Variants in PZP observed in about 807,000 individuals in gnomAD.
PZP encodes PZP alpha-2-macroglobulin like.
PZP carries 150 observed loss-of-function variants against 179.8 expected under a neutral mutation model. The ratio of observed to expected loss-of-function variants is 0.83; its 90% CI spans 0.73 to 0.96. The LOEUF (loss-of-function observed/expected upper bound fraction) is 0.96. Ranked by LOEUF, PZP falls within the 40% of genes least tolerant of loss-of-function variation. The probability of loss-of-function intolerance (pLI) is 0.00; values close to 1 mark genes in which losing one functional copy is unlikely to be tolerated. For missense variants in PZP, 1,689 were observed against 1,764.0 expected (o/e 0.96, Z 0.76); for synonymous variants, 624 against 652.3 (o/e 0.96, Z 0.66).
downstream of PZP, among the ~76,000 whole-genome samples, chr12:9,146,387 T>TGGG (rs1329729767): frequency 1.3e-5 from 2 of 152,210 alleles, no homozygotes; most frequent in Non-Finnish European, 2.9e-5. Context: ...ATACTTTTTG[T>TGGG]GGTTTTGTTG....
intron 15 of PZP, among the ~76,000 whole-genome samples, chr12:9,177,277 A>G (rs1942439268): frequency 6.6e-6 from 1 of 152,206 alleles, no homozygotes; most frequent in Non-Finnish European, 1.5e-5. Flanking sequence ...CAGTTGTCAC[A>G]TTGTGGGACA....
At chr12:9,138,602 A>C in the PZP span, among the ~76,000 whole-genome samples, 1 of 151,986 alleles carries the variant, frequency 6.6e-6, no homozygotes, top group South Asian at 2.1e-4. Flanking sequence ...TGTGTATTAG[A>C]ATCTACCTGT....
At chr12:9,207,499 TAGG>T (rs1451761206) in intron 1 of PZP, among the ~76,000 whole-genome samples, 4 of 152,088 alleles carry the variant, frequency 2.6e-5, no homozygotes, top group Non-Finnish European at 5.9e-5. Context: ...GATGCAAAGG[TAGG>T]AGTTCTATGG....
At chr12:9,147,082 GCAGATGT>G (rs1940049160), downstream of PZP, among the ~76,000 whole-genome samples, 2 of 152,284 alleles carry the variant, frequency 1.3e-5, no homozygotes, top group South Asian at 4.2e-4. Context: ...GACTGGCAAG[GCAGATGT>G]CAGTTGTTTG....
intron 28 of PZP, chr12:9,156,254 C>G (rs1305013053): frequency 4.9e-6 from 1 of 205,606 alleles, no homozygotes; most frequent in Non-Finnish European, 1.1e-5. Context: ...GCTTCCAGTA[C>G]CTTCGCTTTG....
At position 9,201,307 on chromosome 12, in the gene PZP, A is replaced by G; in HGVS notation, c.501+20T>C. ...CTAAAAGCACTAATTTCCTTATAAG[A>G]TACTTTTTCTGATACTTACCTCAAG... is the stretch of plus-strand genomic sequence containing the variant. On this transcript the variant is annotated intron_variant, in intron 5 of 35. Coordinates refer to ENST00000261336, the MANE Select transcript of PZP (RefSeq NM_002864.3). The G allele has an allele frequency of 1.3e-6, 2 of 1,519,834 alleles. No homozygotes were observed. Among genetic ancestry groups the G allele is most frequent in the Non-Finnish European group, 1.8e-6 (2 of 1,098,660 alleles). 94.1% of individuals were successfully genotyped at this position (1,519,834 alleles called of 1,614,324 possible).
intron 1 of PZP, among the ~76,000 whole-genome samples, chr12:9,205,535 T>C (rs1842289556): frequency 6.6e-6 from 1 of 152,160 alleles, no homozygotes; most frequent in African/African-American, 2.4e-5. Flanking sequence ...CTTGAATCCA[T>C]AACAGATAGA....
chr12:9,180,844 A>C, intron 15 of PZP, 139 bp downstream of exon 15: 1 of 782,954 alleles, frequency 1.3e-6, no homozygotes. Context: ...AAAAGAAACT[A>C]CCATCAGAGT....
intron 35 of PZP, 122 bp downstream of exon 35, chr12:9,149,439 G>T: frequency 2.1e-6 from 2 of 965,346 alleles, no homozygotes; most frequent in Non-Finnish European, 3.1e-6. Flanking sequence ...GTCTTGGTGT[G>T]AGGACATGCC....
chr12:9,189,212 G>A (rs1347711962), intron 13 of PZP, among the ~76,000 whole-genome samples: 1 of 152,058 alleles, frequency 6.6e-6, no homozygotes, highest in African/African-American at 2.4e-5. Context: ...GCAAAAAGAA[G>A]AAAGGAGGAG....
Position 9,196,624 on chromosome 12 carries a change from G to C in PZP, c.929C>G (p.Thr310Arg). 6.2e-7 allele frequency: 1 copy of C among 1,613,748 alleles called. No individual in the cohort carries two copies. The highest frequency in any genetic ancestry group is 1.1e-5 in the South Asian group (1 of 91,070). ...VHTKMLQITNTGFEMKLRVEA... is the reference protein window; with the variant it reads ...VHTKMLQITNRGFEMKLRVEA... ...CACTCTAAGCTTCATTTCAAAGCCC[G>C]TATTTGTAATCTGGAGCATTTTGGT... Residue 310 changes from threonine (T) to arginine (R), a missense_variant, in exon 9 of 36, where the codon ACG becomes AGG. By Grantham distance (71) the Thr-to-Arg change is moderately conservative (BLOSUM62 -1). Around this residue, in one of 3 missense-constraint regions of PZP, gnomAD observed 742 missense variants for 730.5 expected, o/e 1.02. Coordinates refer to ENST00000261336, the MANE Select transcript of PZP (RefSeq NM_002864.3).
chr12:9,179,428 G>A lies in PZP; in HGVS notation c.1839+1555C>T, dbSNP rs995559256. Among the ~76,000 whole-genome samples the A allele has an allele frequency of 5.3e-5, 8 of 152,076 alleles. No homozygotes were observed. The East Asian group carries it at 7.7e-4, about 15-fold the overall frequency. The stretch of plus-strand genomic sequence containing the variant: ...AATAATAAAATAAATAAATCATCAC[G>A]ACATGCCAAGTGTCACCCCCATGAA... On this transcript the variant is annotated intron_variant, in intron 15 of 35. Coordinates refer to ENST00000261336, the MANE Select transcript of PZP (RefSeq NM_002864.3).
chr12:9,163,901 A>T (rs1046574551), intron 20 of PZP, 112 bp from the exon 21 acceptor site: 1 of 1,383,358 alleles, frequency 7.2e-7, no homozygotes, highest in African/African-American at 1.5e-5. Context: ...GCTAAAAAAA[A>T]AGAAACCCAC....
chr12:9,168,982 A>G lies in PZP; in HGVS notation c.2002-8T>C. The G allele has an allele frequency of 6.3e-7, 1 of 1,597,156 alleles. No individual in the cohort carries two copies. The highest frequency in any genetic ancestry group is 1.7e-4 in the Middle Eastern group (1 of 6,030). On this transcript the variant is annotated splice_polypyrimidine_tract_variant and splice_region_variant and intron_variant, in intron 16 of 35. Coordinates refer to ENST00000261336, the MANE Select transcript of PZP (RefSeq NM_002864.3). ...CACCTTCAATCCCATCCCCTGGAAA[A>G]AAATAATTGTTCAATCTACTTGTAA...
At chr12:9,162,238 A>T in intron 22 of PZP, 1 of 175,760 alleles carries the variant, frequency 5.7e-6, no homozygotes, top group Non-Finnish European at 1.2e-5. Context: ...CTGGGATTAC[A>T]AATGTGAGCC....
At chr12:9,167,061 A>G (rs1941638041) in intron 17 of PZP, 1 of 152,222 alleles carries the variant, frequency 6.6e-6, no homozygotes. Context: ...TCTTTAGTGA[A>G]TATCATACAC....
chr12:9,198,490 C>T (rs1044211442), intron 7 of PZP, among the ~76,000 whole-genome samples: 2 of 152,024 alleles, frequency 1.3e-5, no homozygotes, highest in Admixed American at 6.6e-5. Context: ...AATAACTAAG[C>T]AAATCTAACA....
At chr12:9,172,252 A>C (rs1409251423) in intron 15 of PZP, among the ~76,000 whole-genome samples, 1 of 152,236 alleles carries the variant, frequency 6.6e-6, no homozygotes, top group Admixed American at 6.5e-5. Flanking sequence ...AAGCTTCAAA[A>C]GCAAAGGAGA....
intron 13 of PZP, among the ~76,000 whole-genome samples, chr12:9,187,518 A>C (rs1943200649): frequency 6.6e-6 from 1 of 152,212 alleles, no homozygotes; most frequent in Non-Finnish European, 1.5e-5. Flanking sequence ...GAATTCAATA[A>C]GAAGAAAATC....
Sources: gnomAD v4.1 joint callset for allele counts (sites outside exome capture counted in the v4.1 genomes callset) on GRCh38, gnomAD v4.1.1 for gene constraint, gnomAD v4.1.1 regional missense constraint, MANE v1.5 for transcripts, NCBI Gene and HGNC (gene_info 2026-07-23, HGNC 2026-07-21) for gene names.